RMI1: variants seen among roughly 807,000 people sequenced by gnomAD.
RMI1 encodes RecQ mediated genome instability 1.
RMI1 carries 36 observed loss-of-function variants against 46.7 expected under a neutral mutation model. The observed-to-expected ratio is 0.77, with a 90% CI of 0.59 to 1.02. The LOEUF is 1.02. RMI1 is among the 50% of genes least tolerant of loss of function. The pLI is 0.00. For synonymous variants in RMI1, 250 were observed against 252.9 expected (o/e 0.99, Z 0.11); for missense variants, 676 against 713.7 (o/e 0.95, Z 0.60).
upstream of RMI1, chr9:83,980,583 G>T (rs296888): frequency 6.5e-6 from 1 of 152,758 alleles, no homozygotes; most frequent in Non-Finnish European, 1.5e-5. Flanking sequence ...GGCGTCTGCA[G>T]TGCTGTCGCC....
In RMI1 at chr9:84,002,956, G is replaced by A; in HGVS notation, c.*92G>A. ...TTACTTATGATACTTTGTGTAAAAA[G>A]GAAAAATGAAATTTCATAGCTTATT... is the stretch of plus-strand genomic sequence containing the variant. On this transcript the variant is annotated 3_prime_UTR_variant, in exon 3 of 3. Coordinates refer to ENST00000445877, the MANE Select transcript of RMI1 (RefSeq NM_001358291.2). 5 of 754,842 alleles carry A rather than the reference G, an allele frequency of 6.6e-6. No individual in the cohort carries two copies. Among genetic ancestry groups the A allele is most frequent in the Non-Finnish European group, 8.0e-6 (4 of 497,392 alleles). The allele number at this position is 754,842 out of a possible 1,614,324, so 46.8% of individuals were successfully genotyped here. A position where few individuals can be genotyped will look rare whatever the true frequency, so the allele number is the denominator to read the frequency against.
rs1957770560 is a variant in RMI1, at chr9:84,003,625, G to A, written c.*761G>A. On this transcript the variant is annotated 3_prime_UTR_variant, in exon 3 of 3. Coordinates refer to ENST00000445877, the MANE Select transcript of RMI1 (RefSeq NM_001358291.2). ...AAAATCCAGTAGATCAGAACATCAG[G>A]CTTTCAGATACAAATTGATTTACTG... The A allele has an allele frequency of 6.0e-6, 1 of 166,128 alleles. No individual in the cohort carries two copies. The highest frequency in any genetic ancestry group is 1.5e-5 in the Non-Finnish European group (1 of 68,084). The allele number at this position is 166,128 out of a possible 1,614,324, so 10.3% of individuals were successfully genotyped here. A position where few individuals can be genotyped will look rare whatever the true frequency, so the allele number is the denominator to read the frequency against.
chr9:84,002,865 TTAAAC>T lies in RMI1; in HGVS notation c.*6_*10del, dbSNP rs144577451. The stretch of plus-strand genomic sequence containing the variant: ...TCTAAAGAAGCGGTTAAATAAATAA[TTAAAC>T]TAAAATAGTATTAGGAACAATTAAA... On this transcript the variant is annotated 3_prime_UTR_variant, in exon 3 of 3. Transcript: ENST00000445877. 4.0e-3 allele frequency: 5,929 copies of T among 1,470,566 alleles called. 172 individuals carry two copies. The African/African-American group carries it at 0.068, about 17-fold the overall frequency. 91.1% of individuals were successfully genotyped at this position (1,470,566 alleles called of 1,614,324 possible). A position where few individuals can be genotyped will look rare whatever the true frequency, so the allele number is the denominator to read the frequency against.
intron 1 of RMI1, among the ~76,000 whole-genome samples, chr9:83,982,685 C>CAA (rs397967393): frequency 1.4e-5 from 2 of 143,560 alleles, no homozygotes; most frequent in African/African-American, 5.1e-5. Flanking sequence ...AAAACAAAAA[C>CAA]AAAAAAAAAA....
At chr9:83,995,273 A>G (rs1827616568) in intron 1 of RMI1, among the ~76,000 whole-genome samples, 1 of 148,052 alleles carries the variant, frequency 6.8e-6, no homozygotes, top group African/African-American at 2.5e-5. Context: ...TGCTGGCATT[A>G]CAGGCATGAG....
chr9:83,986,601 T>C (rs1297990397), intron 1 of RMI1, among the ~76,000 whole-genome samples: 2 of 152,234 alleles, frequency 1.3e-5, no homozygotes, highest in Non-Finnish European at 2.9e-5. Flanking sequence ...AAAAAATTAC[T>C]GTTTTGAGGT....
In RMI1 at chr9:83,993,936, T is replaced by A. The variant is rs55952909; in HGVS notation, c.-125-5773T>A. Among the ~76,000 whole-genome samples the A allele has an allele frequency of 4.4e-3, 640 of 145,268 alleles. 2 individuals carry two copies. Among genetic ancestry groups the A allele is most frequent in the Non-Finnish European group, 7.4e-3 (492 of 66,750 alleles). On this transcript the variant is annotated intron_variant, in intron 1 of 2. Transcript: ENST00000445877. ...CTGGGACTACAGGCGTGCGCCACCATGCCCGGCTAATTTTTTTTTTTTTTT... is the reference window on the plus strand; with the variant it reads ...CTGGGACTACAGGCGTGCGCCACCAAGCCCGGCTAATTTTTTTTTTTTTTT...
At chr9:83,997,247 G>A (rs1957670834) in intron 1 of RMI1, among the ~76,000 whole-genome samples, 2 of 151,556 alleles carry the variant, frequency 1.3e-5, no homozygotes, top group Admixed American at 6.6e-5. Flanking sequence ...GAGTAGCTGG[G>A]ATTACAGGCA....
Position 83,999,165 on chromosome 9 carries a change from AAATAGAATAG to A in RMI1, c.-125-539_-125-530del, listed in dbSNP as rs1362848877. 4.4e-3 allele frequency among the ~76,000 whole-genome samples: 613 copies of A among 140,748 alleles called. 3 individuals carry two copies. Among genetic ancestry groups the A allele is most frequent in the Admixed American group, 6.3e-3 (83 of 13,076 alleles). 92.3% of individuals were successfully genotyped at this position (140,748 alleles called of 152,430 possible). A position where few individuals can be genotyped will look rare whatever the true frequency, so the allele number is the denominator to read the frequency against. On this transcript the variant is annotated intron_variant, in intron 1 of 2. Transcript: ENST00000445877. ...CAAAAAAGTAAAATAAAATAGAATA[AAATAGAATAG>A]AATAAAATAAAATAAAAAAAAATAA...
chr9:84,003,712 A>G lies in RMI1; in HGVS notation c.*848A>G, dbSNP rs1957771888. 6.0e-6 allele frequency: 1 copy of G among 166,580 alleles called. No homozygotes were observed. The highest frequency in any genetic ancestry group is 2.4e-5 in the African/African-American group (1 of 41,460). The allele number at this position is 166,580 out of a possible 1,614,324, so 10.3% of individuals were successfully genotyped here. A position where few individuals can be genotyped will look rare whatever the true frequency, so the allele number is the denominator to read the frequency against. Reference sequence around the variant, plus strand: ...AAGGTAATCTAGTTAACTAGATGCTATTTCATAGATTATATTGAATGATTT... The same window carrying G: ...AAGGTAATCTAGTTAACTAGATGCTGTTTCATAGATTATATTGAATGATTT... On this transcript the variant is annotated 3_prime_UTR_variant, in exon 3 of 3. Coordinates refer to ENST00000445877, the MANE Select transcript of RMI1 (RefSeq NM_001358291.2).
chr9:84,002,270 A>T lies in RMI1; in HGVS notation c.1284A>T (p.Lys428Asn). The change falls in exon 3 of 3, where the codon AAA (lysine) becomes AAT (asparagine). Residue 428 changes from lysine to asparagine, a missense_variant. Transcript: ENST00000445877. ...EKNLETDNKI[K>N]QTSSSDSHSL... The stretch of plus-strand genomic sequence containing the variant: ...ACTTAGAGACAGATAATAAAATAAA[A>T]CAAACCAGCAGTTCAGATAGCCATT... 1.2e-6 allele frequency: 2 copies of T among 1,607,268 alleles called. No homozygotes were observed. Among genetic ancestry groups the T allele is most frequent in the Non-Finnish European group, 1.7e-6 (2 of 1,176,626 alleles).
At chr9:83,994,792 A>G (rs1369148616) in intron 1 of RMI1, among the ~76,000 whole-genome samples, 1 of 152,132 alleles carries the variant, frequency 6.6e-6, no homozygotes, top group Non-Finnish European at 1.5e-5. Flanking sequence ...TGTTGTGATT[A>G]CAGACATGAA....
chr9:83,985,307 C>T (rs1957473507), intron 1 of RMI1, among the ~76,000 whole-genome samples: 1 of 152,114 alleles, frequency 6.6e-6, no homozygotes, highest in African/African-American at 2.4e-5. Context: ...TAGATCAATC[C>T]TACTTTCTAC....
At chr9:83,989,051 A>G (rs2133107944) in intron 1 of RMI1, among the ~76,000 whole-genome samples, 2 of 152,136 alleles carry the variant, frequency 1.3e-5, no homozygotes, top group Admixed American at 1.3e-4. Context: ...TAGAGACAAG[A>G]TCTCAGTATG....
chr9:83,989,569 G>A (rs541852461), intron 1 of RMI1, among the ~76,000 whole-genome samples: 68 of 150,848 alleles, frequency 4.5e-4, no homozygotes, highest in African/African-American at 1.6e-3. Context: ...TGGCCAACAG[G>A]TACATGAAAA....
chr9:83,990,470 G>T (rs551128702), intron 1 of RMI1, among the ~76,000 whole-genome samples: 9 of 150,126 alleles, frequency 6.0e-5, no homozygotes, highest in Non-Finnish European at 8.8e-5. Flanking sequence ...AGATAGCGCC[G>T]CTGCACTCCA....
chr9:83,991,092 C>G (rs1405579970), intron 1 of RMI1, among the ~76,000 whole-genome samples: 1 of 152,304 alleles, frequency 6.6e-6, no homozygotes, highest in Non-Finnish European at 1.5e-5. Context: ...TAGGCCTGAG[C>G]TACTGCGCCT....
At position 84,001,926 on chromosome 9, in the gene RMI1, T is replaced by C. The variant is rs749871519; in HGVS notation, c.940T>C (p.Phe314Leu). 3.1e-6 allele frequency: 5 copies of C among 1,614,076 alleles called. No individual in the cohort carries two copies. In the Admixed American group the frequency reaches 8.3e-5, roughly 27 times the overall value. The change falls in exon 3 of 3, where the codon TTT (phenylalanine) becomes CTT (leucine). Residue 314 changes from phenylalanine (F) to leucine (L), a missense_variant. Coordinates refer to ENST00000445877, the MANE Select transcript of RMI1 (RefSeq NM_001358291.2). Reference protein sequence around the residue: ...IHVMDGELDDFSLEEALLLEE... With the variant: ...IHVMDGELDDLSLEEALLLEE... ...TGTAATGGATGGAGAATTAGATGAC[T>C]TTTCACTGGAGGAGGCCTTGCTTTT...
rs1957769313 is a variant in RMI1 at position 84,003,506 on chromosome 9, A to G, written c.*642A>G. ...TCCTTCTAATATGTTGGTACTGTCT[A>G]TGGCCATACCACCCTGAACATGCCT... On this transcript the variant is annotated 3_prime_UTR_variant, in exon 3 of 3. Transcript: ENST00000445877. 6.0e-6 allele frequency: 1 copy of G among 166,930 alleles called. No homozygotes were observed. The highest frequency in any genetic ancestry group is 2.4e-5 in the African/African-American group (1 of 41,454). The allele number at this position is 166,930 out of a possible 1,614,324, so 10.3% of individuals were successfully genotyped here. A position where few individuals can be genotyped will look rare whatever the true frequency, so the allele number is the denominator to read the frequency against.
Sources: allele counts gnomAD v4.1 joint callset (sites outside exome capture counted in the v4.1 genomes callset), GRCh38; gene constraint gnomAD v4.1.1; transcripts MANE v1.5; gene names NCBI Gene and HGNC (gene_info 2026-07-23, HGNC 2026-07-21).